FTCDNL1: variants seen among roughly 807,000 people sequenced by gnomAD.
The protein encoded by FTCDNL1 is formiminotransferase cyclodeaminase N-terminal like, also known as formiminotransferase N-terminal subdomain-containing protein.
A neutral mutation model predicts 5.9 loss-of-function variants in FTCDNL1; 11 were observed. That is an observed-to-expected ratio of 1.87 (90% CI 1.18 to 3.10). The LOEUF is 3.10. Ranked by LOEUF, FTCDNL1 falls within the 30% of genes most tolerant of loss-of-function variation. The pLI is 0.00. For missense variants in FTCDNL1, 115 were observed against 65.5 expected, an observed-to-expected ratio of 1.76 and a Z score of -2.61; for synonymous variants, 58 against 24.8, an observed-to-expected ratio of 2.34 and a Z score of -3.99.
intron 3 of FTCDNL1, among the ~76,000 whole-genome samples, chr2:199,801,806 C>T (rs1352473425): frequency 1.3e-5 from 2 of 151,522 alleles, no homozygotes; most frequent in Admixed American, 6.6e-5. Context: ...GGCGTAGCGC[C>T]GGGTGCCTGT....
At chr2:199,807,182 T>C (rs1700772172), downstream of FTCDNL1, among the ~76,000 whole-genome samples, 1 of 152,336 alleles carries the variant, frequency 6.6e-6, no homozygotes, top group African/African-American at 2.4e-5. Flanking sequence ...CTTATGCCAG[T>C]TCCTGCAGAG....
At chr2:199,775,384 C>T (rs1055921065) in intron 3 of FTCDNL1, among the ~76,000 whole-genome samples, 24 of 152,184 alleles carry the variant, frequency 1.6e-4, no homozygotes, top group African/African-American at 5.3e-4. Flanking sequence ...TCAGAGTTGG[C>T]CCAAATTGAG....
chr2:199,756,089 G>C (rs1454820140), downstream of FTCDNL1, among the ~76,000 whole-genome samples: 1 of 152,092 alleles, frequency 6.6e-6, no homozygotes, highest in Non-Finnish European at 1.5e-5. Flanking sequence ...TAAAAGAAAA[G>C]TCTTATACTT....
chr2:199,757,168 C>T (rs1698101078), downstream of FTCDNL1, among the ~76,000 whole-genome samples: 1 of 152,212 alleles, frequency 6.6e-6, no homozygotes. Context: ...AGAACCTCCT[C>T]TTTGTTGAGG....
At chr2:199,776,715 A>G (rs1699090698) in intron 3 of FTCDNL1, among the ~76,000 whole-genome samples, 2 of 152,182 alleles carry the variant, frequency 1.3e-5, no homozygotes, top group South Asian at 4.1e-4. Flanking sequence ...ACTGGAGTTC[A>G]GATATTAAGA....
At chr2:199,797,117 T>C (rs1011619078) in intron 3 of FTCDNL1, among the ~76,000 whole-genome samples, 2 of 152,228 alleles carry the variant, frequency 1.3e-5, no homozygotes, top group Non-Finnish European at 2.9e-5. Context: ...TTATAAGCGA[T>C]AGCAATCATT....
the FTCDNL1 span, among the ~76,000 whole-genome samples, chr2:199,697,114 T>C: frequency 2.6e-5 from 4 of 151,860 alleles, no homozygotes; most frequent in African/African-American, 9.7e-5. Context: ...CTACTAAAAA[T>C]ACAAAAAATT....
the FTCDNL1 span, among the ~76,000 whole-genome samples, chr2:199,689,239 G>A: frequency 6.6e-6 from 1 of 152,160 alleles, no homozygotes; most frequent in Non-Finnish European, 1.5e-5. Context: ...TCATTTTTAT[G>A]TAGTTACCCT....
At position 199,818,001 on chromosome 2, in the gene FTCDNL1, G is replaced by A. The variant is rs559316527; in HGVS notation, c.397+1571C>T. ...TAACTCACATATGATTTTTATATCA[G>A]GTTAAAGTTTTTCCCAAATATAGAC... On this transcript the variant is annotated intron_variant, in intron 4 of 4. Transcript: ENST00000420128. 1.3e-3 allele frequency among the ~76,000 whole-genome samples: 192 copies of A among 152,200 alleles called. 1 individual carries two copies. Among genetic ancestry groups the A allele is most frequent in the Non-Finnish European group, 2.2e-3 (149 of 68,012 alleles).
chr2:199,774,805 T>C (rs187556282), intron 3 of FTCDNL1, among the ~76,000 whole-genome samples: 57 of 152,306 alleles, frequency 3.7e-4, no homozygotes, highest in African/African-American at 1.3e-3. Flanking sequence ...TCTCTTTATA[T>C]GTTCCTAAAG....
At chr2:199,761,366 C>G (rs1031069721) in intron 3 of FTCDNL1, among the ~76,000 whole-genome samples, 1 of 152,200 alleles carries the variant, frequency 6.6e-6, no homozygotes, top group Non-Finnish European at 1.5e-5. Context: ...ATGCAAGACT[C>G]TGGCCACCCT....
At chr2:199,826,747 T>C (rs1029003574) in intron 3 of FTCDNL1, among the ~76,000 whole-genome samples, 8 of 152,166 alleles carry the variant, frequency 5.3e-5, no homozygotes, top group African/African-American at 1.2e-4. Flanking sequence ...TGAGCCGAGA[T>C]TGCGCCATTG....
chr2:199,682,991 C>T, the FTCDNL1 span, among the ~76,000 whole-genome samples: 3 of 152,162 alleles, frequency 2.0e-5, no homozygotes, highest in Admixed American at 2.0e-4. Flanking sequence ...CAATGAATGT[C>T]ATCATTTGGA....
At chr2:199,814,335 G>A (rs1430035060) in intron 4 of FTCDNL1, among the ~76,000 whole-genome samples, 3 of 152,176 alleles carry the variant, frequency 2.0e-5, no homozygotes, top group East Asian at 1.9e-4. Context: ...TGAGAACCAC[G>A]TGCCACAGGG....
At chr2:199,694,396 C>T in the FTCDNL1 span, among the ~76,000 whole-genome samples, 1 of 152,232 alleles carries the variant, frequency 6.6e-6, no homozygotes, top group Admixed American at 6.5e-5. Flanking sequence ...CTGATGTGCA[C>T]AACCAGGTTT....
the FTCDNL1 span, among the ~76,000 whole-genome samples, chr2:199,676,282 G>A: frequency 6.6e-6 from 1 of 152,042 alleles, no homozygotes; most frequent in African/African-American, 2.4e-5. Flanking sequence ...GCTGGTCAGT[G>A]AATTTCTATT....
At chr2:199,692,908 C>A in the FTCDNL1 span, among the ~76,000 whole-genome samples, 1 of 152,208 alleles carries the variant, frequency 6.6e-6, no homozygotes, top group African/African-American at 2.4e-5. Flanking sequence ...CTCTGCAGTG[C>A]TTGTATACAC....
chr2:199,829,937 C>G (rs866177249), intron 3 of FTCDNL1, among the ~76,000 whole-genome samples: 1 of 152,000 alleles, frequency 6.6e-6, no homozygotes, highest in African/African-American at 2.4e-5. Context: ...TATTCTTAAA[C>G]CTGGATTCAA....
At chr2:199,824,141 A>G (rs943161909) in intron 3 of FTCDNL1, among the ~76,000 whole-genome samples, 1 of 152,116 alleles carries the variant, frequency 6.6e-6, no homozygotes, top group African/African-American at 2.4e-5. Context: ...TTAGCTAGAG[A>G]TGCCAGGCTC....
Sources: allele counts gnomAD v4.1 joint callset (sites outside exome capture counted in the v4.1 genomes callset), GRCh38; gene constraint gnomAD v4.1.1; transcripts MANE v1.5; gene names NCBI Gene and HGNC (gene_info 2026-07-23, HGNC 2026-07-21).